The following WAC variants were observed in gnomAD, a reference collection of about 807,000 sequenced individuals.
The protein encoded by WAC is WW domain-containing adapter protein with coiled-coil.
Under a neutral mutation model 79.6 loss-of-function variants are expected in WAC, and 11 were observed. The observed-to-expected ratio is 0.14, with a 90% CI of 0.09 to 0.23. WAC has a LOEUF of 0.23. Among genes scored for constraint, WAC ranks in the 10% least tolerant of loss-of-function variants. WAC has a pLI of 1.00. For synonymous variants in WAC, 304 were observed against 276.9 expected, an observed-to-expected ratio of 1.10 and a Z score of -0.97; for missense variants, 728 against 773.5, an observed-to-expected ratio of 0.94 and a Z score of 0.70.
intron 4 of WAC, 65 bp downstream of exon 4, chr10:28,583,570 A>AAAAG: frequency 1.0e-6 from 1 of 968,692 alleles, no homozygotes; most frequent in Non-Finnish European, 1.5e-6. Context: ...AAAAAAAAAT[A>AAAAG]CAACCCATGG....
At chr10:28,604,932 CCT>C (rs1315754432) in intron 7 of WAC, among the ~76,000 whole-genome samples, 5 of 152,272 alleles carry the variant, frequency 3.3e-5, no homozygotes, top group Admixed American at 2.0e-4. Flanking sequence ...ACTAAAACTA[CCT>C]CTCAGAATAG....
intron 3 of WAC, among the ~76,000 whole-genome samples, chr10:28,537,915 C>G (rs1390782756): frequency 2.0e-5 from 3 of 152,152 alleles, no homozygotes; most frequent in Non-Finnish European, 4.4e-5. Context: ...TAATCACTTG[C>G]TAAGTTAGGC....
rs1230917339 is a variant in WAC at position 28,622,606 on chromosome 10, C to A, written c.*3000C>A. On this transcript the variant is annotated 3_prime_UTR_variant, in exon 14 of 14. Transcript: ENST00000354911. ...CCTGATTTTAAAATGACTGCAATTC[C>A]AGACTAAAAACATGCTTCAGCCCTG... The A allele has an allele frequency of 1.3e-5, 2 of 151,964 alleles. No homozygotes were observed. The highest frequency in any genetic ancestry group is 3.9e-4 in the East Asian group (2 of 5,186). 9.4% of individuals were successfully genotyped at this position (151,964 alleles called of 1,614,324 possible). A position where few individuals can be genotyped will look rare whatever the true frequency, so the allele number is the denominator to read the frequency against.
intron 3 of WAC, among the ~76,000 whole-genome samples, chr10:28,571,827 C>T (rs1461544736): frequency 6.6e-6 from 1 of 152,096 alleles, no homozygotes; most frequent in South Asian, 2.1e-4. Flanking sequence ...TCTTGTAACT[C>T]TAATCAGTCA....
At chr10:28,550,379 T>C (rs796939482) in intron 3 of WAC, among the ~76,000 whole-genome samples, 3 of 152,012 alleles carry the variant, frequency 2.0e-5, no homozygotes, top group African/African-American at 7.3e-5. Flanking sequence ...TTTTTTTTTT[T>C]TCCTTTGCCA....
chr10:28,574,646 G>C (rs1247009009), intron 3 of WAC, among the ~76,000 whole-genome samples: 12 of 152,240 alleles, frequency 7.9e-5, no homozygotes, highest in Non-Finnish European at 8.8e-5. Context: ...GTTTCACCAT[G>C]TTGCCCAAGC....
At chr10:28,566,294 G>C (rs1464612882) in intron 3 of WAC, among the ~76,000 whole-genome samples, 1 of 152,040 alleles carries the variant, frequency 6.6e-6, no homozygotes, top group Non-Finnish European at 1.5e-5. Flanking sequence ...GAGTAGGGTG[G>C]GGCAAGTGTT....
chr10:28,590,843 A>T lies in WAC; in HGVS notation c.610+11A>T. 6.3e-7 allele frequency: 1 copy of T among 1,593,564 alleles called. No homozygotes were observed. The highest frequency in any genetic ancestry group is 8.6e-7 in the Non-Finnish European group (1 of 1,168,376). ...GGTTTGCCAGTGGAAGTAAGTATTA[A>T]TTTTTTTTCTTTGAAATGTATGTTT... On this transcript the variant is annotated intron_variant, in intron 6 of 13. Coordinates refer to ENST00000354911, the MANE Select transcript of WAC (RefSeq NM_016628.5).
intron 3 of WAC, chr10:28,538,512 G>A (rs1314943073): frequency 6.5e-6 from 1 of 153,380 alleles, no homozygotes; most frequent in Admixed American, 6.6e-5. Context: ...AACCCAGGAG[G>A]TGGAGGTTGC....
upstream of WAC, chr10:28,532,891 T>C (rs1183685060): frequency 6.5e-6 from 1 of 152,898 alleles, no homozygotes; most frequent in East Asian, 1.9e-4. Context: ...AGCGAGACTA[T>C]CCCTAAACGG....
chr10:28,583,405 GT>G lies in WAC; in HGVS notation c.283del (p.Tyr95ThrfsTer97). On this transcript the variant is annotated frameshift_variant, in exon 4 of 14. Coordinates refer to ENST00000354911, the MANE Select transcript of WAC (RefSeq NM_016628.5). LOFTEE classifies it high-confidence loss of function. ...HRVRERDGGT[S>X]YSPQENSHNH... ...TGTTCTTTATTTTTTTAAGGGACCA[GT>G]TACTCTCCACAAGAAAATTCACACA... 1 of 1,577,604 alleles carries G rather than the reference GT, an allele frequency of 6.3e-7. No individual in the cohort carries two copies. The highest frequency in any genetic ancestry group is 1.9e-5 in the Admixed American group (1 of 51,346).
At chr10:28,568,467 A>C (rs1370133923) in intron 3 of WAC, among the ~76,000 whole-genome samples, 1 of 151,012 alleles carries the variant, frequency 6.6e-6, no homozygotes, top group African/African-American at 2.4e-5. Flanking sequence ...TGCAACCTCC[A>C]CCTCCCGGGT....
chr10:28,558,471 T>C (rs1838119807), intron 3 of WAC, among the ~76,000 whole-genome samples: 1 of 152,214 alleles, frequency 6.6e-6, no homozygotes, highest in South Asian at 2.1e-4. Flanking sequence ...TGGCCACCTG[T>C]GATTGGCTGA....
chr10:28,586,526 T>A (rs1392513570), intron 4 of WAC, among the ~76,000 whole-genome samples: 1 of 151,612 alleles, frequency 6.6e-6, no homozygotes, highest in Admixed American at 6.6e-5. Flanking sequence ...AAAATAAAAA[T>A]AAAAAAATAA....
At chr10:28,606,949 C>T (rs1279460730) in intron 7 of WAC, among the ~76,000 whole-genome samples, 5 of 152,134 alleles carry the variant, frequency 3.3e-5, no homozygotes, top group African/African-American at 1.2e-4. Context: ...GTATGTCTGA[C>T]TTTAAAATTT....
In WAC at chr10:28,614,511, G is replaced by T. The variant is rs550335305; in HGVS notation, c.1438-56G>T. On this transcript the variant is annotated intron_variant, in intron 10 of 13. Coordinates refer to ENST00000354911, the MANE Select transcript of WAC (RefSeq NM_016628.5). ...TTTCAAGACGATTACCTAGATTTTG[G>T]GGGGAGAGATGTGGATTAGATTTGG... The T allele has an allele frequency of 5.2e-6, 7 of 1,343,962 alleles. No individual in the cohort carries two copies. In the East Asian group the frequency reaches 1.2e-4, roughly 22 times the overall value. The allele number at this position is 1,343,962 out of a possible 1,614,324, so 83.3% of individuals were successfully genotyped here. A position where few individuals can be genotyped will look rare whatever the true frequency, so the allele number is the denominator to read the frequency against.
At chr10:28,601,660 C>T (rs1840655823) in intron 7 of WAC, among the ~76,000 whole-genome samples, 1 of 152,126 alleles carries the variant, frequency 6.6e-6, no homozygotes, top group South Asian at 2.1e-4. Context: ...ATCAAGTGTT[C>T]ATTAGCAGAT....
chr10:28,619,135 C>T (rs1477182669), intron 13 of WAC, among the ~76,000 whole-genome samples: 8 of 152,068 alleles, frequency 5.3e-5, no homozygotes, highest in Admixed American at 3.9e-4. Context: ...AAAAATTAGC[C>T]GGGCGTAAGG....
At chr10:28,580,396 A>G (rs1048573071) in intron 3 of WAC, among the ~76,000 whole-genome samples, 4 of 152,360 alleles carry the variant, frequency 2.6e-5, no homozygotes, top group South Asian at 2.1e-4. Flanking sequence ...AGAGAGGTCA[A>G]TAGACCTCAT....
Sources: gnomAD v4.1 joint callset for allele counts (sites outside exome capture counted in the v4.1 genomes callset) on GRCh38, gnomAD v4.1.1 for gene constraint, MANE v1.5 for transcripts, NCBI Gene and HGNC (gene_info 2026-07-23, HGNC 2026-07-21) for gene names.